The following SLC5A4 variants were observed in gnomAD, a reference collection of about 807,000 sequenced individuals.
The protein encoded by SLC5A4 is solute carrier family 5 member 4, also known as probable glucose sensor protein SLC5A4.
SLC5A4 carries 55 observed loss-of-function variants against 70.3 expected under a neutral mutation model. The observed-to-expected ratio is 0.78, with a 90% CI of 0.63 to 0.98. The LOEUF (loss-of-function observed/expected upper bound fraction) is 0.98, where lower values mean the gene tolerates loss of function less well. Among genes scored for constraint, SLC5A4 ranks in the 50% least tolerant of loss-of-function variants. The pLI is 0.00. For synonymous variants in SLC5A4, 268 were observed against 305.7 expected (o/e 0.88, Z 1.29); for missense variants, 735 against 839.2 (o/e 0.88, Z 1.53).
the SLC5A4 span, among the ~76,000 whole-genome samples, chr22:32,299,233 A>G: frequency 6.9e-6 from 1 of 145,482 alleles, no homozygotes; most frequent in East Asian, 2.0e-4. Flanking sequence ...TCTCCTGGAT[A>G]ATATCCTGCA....
At chr22:32,309,142 T>TTCAGGTGCAGGGCATGC in the SLC5A4 span, among the ~76,000 whole-genome samples, 1 of 152,096 alleles carries the variant, frequency 6.6e-6, no homozygotes, top group Non-Finnish European at 1.5e-5. Context: ...GCAGGGCATG[T>TTCAGGTGCAGGGCATGC]TCAGAGGCTA....
Position 32,248,786 on chromosome 22 carries a change from A to G in SLC5A4, c.329T>C (p.Leu110Pro), listed in dbSNP as rs1202056656. 2 of 1,612,900 alleles carry G rather than the reference A, an allele frequency of 1.2e-6. No homozygotes were observed. Among genetic ancestry groups the G allele is most frequent in the African/African-American group, 2.7e-5 (2 of 74,924 alleles). ...TFEWTSSVML[L>P]ILGWIFVPIY... ...AGGGACAAAGATCCACCCAAGAATCAGCAACATTACTGAGGACTACAAGGA... is the reference window on the plus strand; with the variant it reads ...AGGGACAAAGATCCACCCAAGAATCGGCAACATTACTGAGGACTACAAGGA... The change falls in exon 4 of 15, where the codon CTG becomes CCG. Residue 110 changes from leucine (L) to proline (P), a missense_variant. By Grantham distance (98) the Leu-to-Pro change is moderately conservative (BLOSUM62 -3). Transcript: ENST00000266086.
chr22:32,293,632 A>C, the SLC5A4 span, among the ~76,000 whole-genome samples: 1 of 152,028 alleles, frequency 6.6e-6, no homozygotes, highest in East Asian at 1.9e-4. Context: ...AACCCATGAG[A>C]CATTATTACA....
At position 32,239,566 on chromosome 22, in the gene SLC5A4, ATAT is replaced by A. The variant is rs1569374962; in HGVS notation, c.478-479_478-477del. 3.7e-3 allele frequency among the ~76,000 whole-genome samples: 86 copies of A among 23,496 alleles called. 1 individual carries two copies. The highest frequency in any genetic ancestry group is 5.0e-3 in the Non-Finnish European group (64 of 12,720). 15.4% of individuals were successfully genotyped at this position (23,496 alleles called of 152,430 possible). A position where few individuals can be genotyped will look rare whatever the true frequency, so the allele number is the denominator to read the frequency against. On this transcript the variant is annotated intron_variant, in intron 5 of 14. Coordinates refer to ENST00000266086, the MANE Select transcript of SLC5A4 (RefSeq NM_014227.3). ...TATATATATATATATATATATATAT[ATAT>A]TTATATATATATTTATATATATATA...
At chr22:32,353,730 C>G in the SLC5A4 span, among the ~76,000 whole-genome samples, 3 of 152,038 alleles carry the variant, frequency 2.0e-5, no homozygotes, top group African/African-American at 7.2e-5. Context: ...CACCCAATGG[C>G]GCCCAGAACC....
At chr22:32,335,730 G>A in the SLC5A4 span, among the ~76,000 whole-genome samples, 22 of 152,270 alleles carry the variant, frequency 1.4e-4, no homozygotes, top group South Asian at 2.1e-4. Context: ...TCCTGAAGCC[G>A]TAGGTCCCAG....
the SLC5A4 span, among the ~76,000 whole-genome samples, chr22:32,328,563 T>C: frequency 1.3e-5 from 2 of 152,078 alleles, no homozygotes; most frequent in South Asian, 2.1e-4. Flanking sequence ...GTGAACCTAC[T>C]ACCAGCCACC....
At chr22:32,246,503 T>A (rs1926840041) in intron 5 of SLC5A4, among the ~76,000 whole-genome samples, 1 of 152,162 alleles carries the variant, frequency 6.6e-6, no homozygotes, top group South Asian at 2.1e-4. Flanking sequence ...TCACTGATTA[T>A]CTCCCAAAAA....
chr22:32,220,809 A>G, intron 14 of SLC5A4, 111 bp downstream of exon 14: 1 of 771,028 alleles, frequency 1.3e-6, no homozygotes, highest in Non-Finnish European at 2.3e-6. Flanking sequence ...TCAGTTTGTC[A>G]TAAATCTAAC....
At chr22:32,262,526 G>C in the SLC5A4 span, among the ~76,000 whole-genome samples, 2 of 152,192 alleles carry the variant, frequency 1.3e-5, no homozygotes, top group Non-Finnish European at 2.9e-5. Context: ...CATGTGGCCT[G>C]TGTCCCTGCT....
At chr22:32,232,730 A>G (rs1925830046) in intron 9 of SLC5A4, among the ~76,000 whole-genome samples, 169 bp downstream of exon 9, 1 of 152,034 alleles carries the variant, frequency 6.6e-6, no homozygotes, top group Admixed American at 6.6e-5. Flanking sequence ...AGAGCGTCCA[A>G]TATGCCAAAT....
the SLC5A4 span, among the ~76,000 whole-genome samples, chr22:32,316,624 G>A: frequency 6.6e-6 from 1 of 152,048 alleles, no homozygotes; most frequent in African/African-American, 2.4e-5. Flanking sequence ...CTGCCTCTTG[G>A]GTTCAAGCCA....
At chr22:32,331,386 T>C in the SLC5A4 span, among the ~76,000 whole-genome samples, 3 of 151,992 alleles carry the variant, frequency 2.0e-5, no homozygotes, top group Admixed American at 6.5e-5. Context: ...ACGGGGGAAA[T>C]GGCCGTGCTC....
chr22:32,314,818 G>T, the SLC5A4 span, among the ~76,000 whole-genome samples: 1 of 150,786 alleles, frequency 6.6e-6, no homozygotes, highest in Non-Finnish European at 1.5e-5. Context: ...GCAGGCAAAG[G>T]GACAGAGAGA....
chr22:32,279,489 C>A, the SLC5A4 span, among the ~76,000 whole-genome samples: 2 of 151,352 alleles, frequency 1.3e-5, no homozygotes. Context: ...ACAAGAGACA[C>A]AAAAAAAATG....
chr22:32,312,792 C>T, the SLC5A4 span, among the ~76,000 whole-genome samples: 1 of 152,094 alleles, frequency 6.6e-6, no homozygotes, highest in Non-Finnish European at 1.5e-5. Context: ...TCTCATCTCC[C>T]CCATCCTGAG....
the SLC5A4 span, among the ~76,000 whole-genome samples, chr22:32,309,747 C>G: frequency 6.6e-6 from 1 of 152,132 alleles, no homozygotes; most frequent in Non-Finnish European, 1.5e-5. Flanking sequence ...AGGGCCGTGA[C>G]CCCCTGGCAC....
the SLC5A4 span, among the ~76,000 whole-genome samples, chr22:32,331,016 GGTGTGTGTGTGTGTTGGAGGCTCTGGT>G: frequency 5.4e-5 from 2 of 37,026 alleles, no homozygotes; most frequent in African/African-American, 1.1e-4. Flanking sequence ...TGGGGGCTCT[GGTGTGTGTGTGTGTTGGAGGCTCTGGT>G]GTGTGTGTGT....
At chr22:32,271,234 C>G in the SLC5A4 span, 2 of 792,928 alleles carry the variant, frequency 2.5e-6, no homozygotes, top group South Asian at 1.4e-5. Flanking sequence ...GAAGAACTTC[C>G]CTGTGGGGCA....
Sources: gnomAD v4.1 joint callset for allele counts (sites outside exome capture counted in the v4.1 genomes callset) on GRCh38, gnomAD v4.1.1 for gene constraint, MANE v1.5 for transcripts, NCBI Gene and HGNC (gene_info 2026-07-23, HGNC 2026-07-21) for gene names.